The following ITGA2 variants were observed in gnomAD, a reference collection of about 807,000 sequenced individuals.
ITGA2 encodes the protein integrin subunit alpha 2, also known as integrin alpha-2.
A neutral mutation model predicts 146.3 loss-of-function variants in ITGA2; 101 were observed. That is an observed-to-expected ratio of 0.69 (90% CI 0.59 to 0.81). The LOEUF (loss-of-function observed/expected upper bound fraction) is 0.81, where lower values mean the gene tolerates loss of function less well. Ranked by LOEUF, ITGA2 falls within the 40% of genes least tolerant of loss-of-function variation. The pLI is 0.00. For synonymous variants in ITGA2, 477 were observed against 487.1 expected, an observed-to-expected ratio of 0.98 and a Z score of 0.27; for missense variants, 1,281 against 1,402.7, an observed-to-expected ratio of 0.91 and a Z score of 1.39.
intron 1 of ITGA2, among the ~76,000 whole-genome samples, chr5:53,014,282 C>G (rs543604238): frequency 2.6e-5 from 4 of 152,162 alleles, no homozygotes; most frequent in African/African-American, 9.6e-5. Context: ...TCTTCAGTGC[C>G]TAATTTGTTG....
At chr5:53,065,230 T>C in intron 14 of ITGA2, 115 bp downstream of exon 14, 3 of 1,041,798 alleles carry the variant, frequency 2.9e-6, no homozygotes, top group Non-Finnish European at 4.4e-6. Flanking sequence ...CTTCATTCTT[T>C]CACTCAGCAA....
intron 2 of ITGA2, among the ~76,000 whole-genome samples, chr5:53,028,103 G>C (rs1269786751): frequency 6.6e-6 from 1 of 151,896 alleles, no homozygotes; most frequent in African/African-American, 2.4e-5. Flanking sequence ...GGAAAAAACC[G>C]TAACTGTAAT....
At chr5:53,070,393 T>A (rs899276761) in intron 17 of ITGA2, 133 bp downstream of exon 17, 1 of 785,172 alleles carries the variant, frequency 1.3e-6, no homozygotes, top group African/African-American at 1.8e-5. Context: ...TGTAATTCCA[T>A]AAATAAGAAG....
chr5:53,050,325 C>A (rs1050909557), intron 6 of ITGA2, among the ~76,000 whole-genome samples: 8 of 152,114 alleles, frequency 5.3e-5, no homozygotes, highest in Non-Finnish European at 8.8e-5. Context: ...TTCTTTAAAT[C>A]TTTTTTCTTC....
At position 53,069,580 on chromosome 5, in the gene ITGA2, C is replaced by T. The variant is rs547446109; in HGVS notation, c.2084-529C>T. On this transcript the variant is annotated intron_variant, in intron 16 of 29. Transcript: ENST00000296585. Reference sequence around the variant, plus strand: ...AATATGAGCTCTTATTTCAAAAATACCCAACTTTTACTTCTGACTAGCCAT... The same window carrying T: ...AATATGAGCTCTTATTTCAAAAATATCCAACTTTTACTTCTGACTAGCCAT... 2.0e-5 allele frequency among the ~76,000 whole-genome samples: 3 copies of T among 151,998 alleles called. No individual in the cohort carries two copies. In the East Asian group the frequency reaches 5.8e-4, roughly 30 times the overall value.
chr5:53,055,281 G>A (rs554260192), intron 7 of ITGA2, among the ~76,000 whole-genome samples: 2 of 151,988 alleles, frequency 1.3e-5, no homozygotes, highest in South Asian at 4.2e-4. Context: ...AGGAATACTG[G>A]GATAAATACA....
intron 1 of ITGA2, among the ~76,000 whole-genome samples, chr5:53,018,936 C>T (rs1349973382): frequency 1.3e-5 from 2 of 151,908 alleles, no homozygotes; most frequent in African/African-American, 2.4e-5. Context: ...TGGTGGTACA[C>T]GCCTGTAATC....
intron 1 of ITGA2, among the ~76,000 whole-genome samples, chr5:53,017,293 G>T (rs1742438050): frequency 6.6e-6 from 1 of 152,218 alleles, no homozygotes; most frequent in Non-Finnish European, 1.5e-5. Flanking sequence ...TGCACTTGGA[G>T]GATGTGATTG....
intron 2 of ITGA2, among the ~76,000 whole-genome samples, chr5:53,028,338 C>T (rs1743052047): frequency 6.6e-6 from 1 of 152,090 alleles, no homozygotes; most frequent in Non-Finnish European, 1.5e-5. Flanking sequence ...TGAGTGTTAA[C>T]TAATGTGAGG....
rs779243922 is a variant in ITGA2, at chr5:53,042,097, A to T, written c.186-15A>T. ...ACTTAACACTTTGTGTCTAATAAAA[A>T]AAATGTGTTTCTAGGTTACTGGTTG... On this transcript the variant is annotated splice_polypyrimidine_tract_variant and intron_variant, in intron 2 of 29. Transcript: ENST00000296585. The T allele has an allele frequency of 1.3e-6, 2 of 1,507,308 alleles. No individual in the cohort carries two copies. The highest frequency in any genetic ancestry group is 1.7e-5 in the Admixed American group (1 of 59,876). 93.4% of individuals were successfully genotyped at this position (1,507,308 alleles called of 1,614,324 possible).
rs765402600 is a variant in ITGA2 at position 53,055,572 on chromosome 5, C to T, written c.814C>T (p.Arg272Ter). 6.8e-6 allele frequency: 11 copies of T among 1,612,902 alleles called. No individual in the cohort carries two copies. Among genetic ancestry groups the T allele is most frequent in the African/African-American group, 2.7e-5 (2 of 74,790 alleles). The change falls in exon 8 of 30, where the codon CGA becomes TGA. Residue 272 changes from arginine (R) to a stop codon, truncating the protein, a stop_gained. Coordinates refer to ENST00000296585, the MANE Select transcript of ITGA2 (RefSeq NM_002203.4). LOFTEE classifies it high-confidence loss of function. ...YAYSAASGGR[R>*]SATKVMVVVT... ...TTATTCAGCAGCTTCTGGTGGGCGA[C>T]GAAGTGCTACGAAAGTAATGGTAGT...
intron 1 of ITGA2, among the ~76,000 whole-genome samples, chr5:52,992,326 CT>C (rs1741002807): frequency 6.6e-6 from 1 of 152,138 alleles, no homozygotes; most frequent in Non-Finnish European, 1.5e-5. Context: ...CAGATTGTCT[CT>C]GGGCCCATTC....
intron 23 of ITGA2, among the ~76,000 whole-genome samples, chr5:53,078,154 G>A (rs993227839): frequency 4.6e-5 from 7 of 152,048 alleles, no homozygotes; most frequent in Non-Finnish European, 8.8e-5. Context: ...AGTGGCTTTA[G>A]GTCCAGAATA....
intron 15 of ITGA2, among the ~76,000 whole-genome samples, chr5:53,066,781 T>G (rs1745164931): frequency 6.6e-6 from 1 of 151,770 alleles, no homozygotes; most frequent in African/African-American, 2.4e-5. Flanking sequence ...TACTTAAGAC[T>G]TTAAAAAAAC....
At chr5:53,050,306 C>G (rs899731329) in intron 6 of ITGA2, among the ~76,000 whole-genome samples, 39 of 152,136 alleles carry the variant, frequency 2.6e-4, no homozygotes, top group African/African-American at 9.2e-4. Context: ...AAGTTCTAAC[C>G]TACCACATTT....
At chr5:53,032,134 A>C (rs1743255310) in intron 2 of ITGA2, among the ~76,000 whole-genome samples, 1 of 151,966 alleles carries the variant, frequency 6.6e-6, no homozygotes, top group African/African-American at 2.4e-5. Context: ...AAGAGAGAGG[A>C]GAAATAGAAA....
At chr5:53,004,605 A>G (rs1741735432) in intron 1 of ITGA2, among the ~76,000 whole-genome samples, 1 of 152,020 alleles carries the variant, frequency 6.6e-6, no homozygotes, top group African/African-American at 2.4e-5. Flanking sequence ...TTCTAGCATC[A>G]CCTGGACAGG....
rs201859025 is a variant in ITGA2, at chr5:53,056,144, T to A, written c.1091T>A (p.Ile364Asn). The change falls in exon 9 of 30, where the codon ATT becomes AAT. Residue 364 changes from isoleucine (I) to asparagine (N), a missense_variant. Transcript: ENST00000296585. ...ACATTAGGAGAACAAATTTTCAGCA[T>A]TGAAGGTAAAAAAAATAACCTCCTT... ...AGTLGEQIFSIEGTVQGGDNF... is the reference protein window; with the variant it reads ...AGTLGEQIFSNEGTVQGGDNF... 23 of 1,611,040 alleles carry A rather than the reference T, an allele frequency of 1.4e-5. No homozygotes were observed. The highest frequency in any genetic ancestry group is 1.9e-5 in the Non-Finnish European group (22 of 1,178,352).
At chr5:53,050,529 A>G (rs1258562100) in intron 6 of ITGA2, among the ~76,000 whole-genome samples, 3 of 152,122 alleles carry the variant, frequency 2.0e-5, no homozygotes, top group African/African-American at 7.2e-5. Context: ...TTGGCAAAAC[A>G]CAGCAGATGG....
Sources: gnomAD v4.1 joint callset for allele counts (sites outside exome capture counted in the v4.1 genomes callset) on GRCh38, gnomAD v4.1.1 for gene constraint, MANE v1.5 for transcripts, NCBI Gene and HGNC (gene_info 2026-07-23, HGNC 2026-07-21) for gene names.